Variants in GALNT13 observed in about 807,000 individuals in gnomAD.
The protein encoded by GALNT13 is polypeptide N-acetylgalactosaminyltransferase 13.
A neutral mutation model predicts 64.2 loss-of-function variants in GALNT13; 28 were observed. The observed-to-expected ratio is 0.44, with a 90% CI of 0.32 to 0.60. GALNT13 has a LOEUF of 0.60. Ranked by LOEUF, GALNT13 falls within the 20% of genes least tolerant of loss-of-function variation. GALNT13 has a pLI of 0.05. For missense variants in GALNT13, 577 were observed against 669.8 expected (o/e 0.86, Z 1.53); for synonymous variants, 214 against 224.6 (o/e 0.95, Z 0.42).
intron 9 of GALNT13, among the ~76,000 whole-genome samples, chr2:154,366,887 C>T (rs942720717): frequency 6.6e-6 from 1 of 151,964 alleles, no homozygotes; most frequent in Non-Finnish European, 1.5e-5. Flanking sequence ...ACAGGGACTC[C>T]AACAAACTGT....
the GALNT13 span, among the ~76,000 whole-genome samples, chr2:153,160,158 G>A: frequency 3.3e-5 from 5 of 152,184 alleles, no homozygotes; most frequent in Non-Finnish European, 4.4e-5. Flanking sequence ...GATGAGGCTG[G>A]ATATAGAATT....
chr2:154,286,181 T>C (rs1001419024), intron 8 of GALNT13, among the ~76,000 whole-genome samples: 1 of 152,220 alleles, frequency 6.6e-6, no homozygotes, highest in African/African-American at 2.4e-5. Flanking sequence ...TAGCTTATTC[T>C]TGCCTAAATG....
At chr2:153,705,155 T>C in the GALNT13 span, among the ~76,000 whole-genome samples, 7 of 152,288 alleles carry the variant, frequency 4.6e-5, no homozygotes, top group South Asian at 1.4e-3. Context: ...ATAATGCAGA[T>C]AGTTGACAAA....
intron 3 of GALNT13, among the ~76,000 whole-genome samples, chr2:154,021,231 T>C (rs1201767900): frequency 6.6e-6 from 1 of 152,230 alleles, no homozygotes; most frequent in Non-Finnish European, 1.5e-5. Context: ...TTTCCAATTC[T>C]GTGAAGAAAG....
At chr2:153,276,256 T>C in the GALNT13 span, among the ~76,000 whole-genome samples, 2 of 152,128 alleles carry the variant, frequency 1.3e-5, no homozygotes, top group African/African-American at 4.8e-5. Flanking sequence ...TTTTGTATTA[T>C]TTAGAAAAGG....
At chr2:153,819,233 T>C in the GALNT13 span, among the ~76,000 whole-genome samples, 4 of 152,182 alleles carry the variant, frequency 2.6e-5, no homozygotes, top group African/African-American at 9.7e-5. Flanking sequence ...TAAAGCTATC[T>C]GTATCAGGCT....
chr2:153,652,182 C>T, the GALNT13 span, among the ~76,000 whole-genome samples: 6 of 152,004 alleles, frequency 3.9e-5, no homozygotes, highest in South Asian at 2.1e-4. Context: ...ATTTTTATTT[C>T]GGTAATATAT....
chr2:154,191,022 T>C (rs1425350615), intron 4 of GALNT13, among the ~76,000 whole-genome samples: 9 of 152,174 alleles, frequency 5.9e-5, no homozygotes, highest in African/African-American at 7.2e-5. Context: ...GCTTCTATCA[T>C]ATTGGACTGT....
chr2:153,913,975 A>T (rs1185604160), intron 2 of GALNT13, among the ~76,000 whole-genome samples: 2 of 152,192 alleles, frequency 1.3e-5, no homozygotes, highest in South Asian at 2.1e-4. Flanking sequence ...ATAAAAATAC[A>T]TGTTTAAATA....
chr2:154,326,217 C>A (rs1010893822), intron 9 of GALNT13, among the ~76,000 whole-genome samples: 25 of 151,924 alleles, frequency 1.6e-4, no homozygotes, highest in Admixed American at 6.6e-5. Context: ...TCTGGTGTTG[C>A]CCTTCTGGCC....
At chr2:153,808,613 G>GA in the GALNT13 span, among the ~76,000 whole-genome samples, 4 of 152,070 alleles carry the variant, frequency 2.6e-5, no homozygotes, top group African/African-American at 9.7e-5. Flanking sequence ...TAGCTTCTCA[G>GA]AAAATCTCAT....
chr2:153,818,339 A>C, the GALNT13 span, among the ~76,000 whole-genome samples: 11,241 of 152,202 alleles, frequency 0.074, 498 homozygotes, highest in African/African-American at 0.11. Context: ...CTGTATCCCC[A>C]ATAGAGGCCA....
chr2:153,667,215 G>A, the GALNT13 span, among the ~76,000 whole-genome samples: 1 of 152,104 alleles, frequency 6.6e-6, no homozygotes, highest in Non-Finnish European at 1.5e-5. Context: ...TATATTTGAG[G>A]ATATCATCCC....
chr2:154,149,189 T>A (rs1014660910), intron 4 of GALNT13, among the ~76,000 whole-genome samples: 3 of 152,196 alleles, frequency 2.0e-5, no homozygotes, highest in Admixed American at 2.0e-4. Flanking sequence ...TAGGGAATCC[T>A]TTCCCCATTG....
the GALNT13 span, among the ~76,000 whole-genome samples, chr2:153,772,930 C>T: frequency 1.4e-4 from 21 of 152,136 alleles, no homozygotes; most frequent in African/African-American, 3.6e-4. Context: ...TGAGACTGCT[C>T]GCTGGACTCC....
At chr2:153,468,589 T>A in the GALNT13 span, among the ~76,000 whole-genome samples, 1 of 152,134 alleles carries the variant, frequency 6.6e-6, no homozygotes, top group African/African-American at 2.4e-5. Flanking sequence ...AATTTGGTTC[T>A]TTATGTATTG....
intron 9 of GALNT13, among the ~76,000 whole-genome samples, chr2:154,392,457 T>C (rs1698840808): frequency 6.6e-6 from 1 of 152,158 alleles, no homozygotes; most frequent in Admixed American, 6.5e-5. Flanking sequence ...AAGTTTCAGT[T>C]CCTTTATATT....
At chr2:154,336,124 A>G (rs1695431270) in intron 9 of GALNT13, among the ~76,000 whole-genome samples, 2 of 152,120 alleles carry the variant, frequency 1.3e-5, no homozygotes, top group South Asian at 4.1e-4. Context: ...TCCACATATA[A>G]AATTTCCTAG....
chr2:153,686,462 C>T, the GALNT13 span, among the ~76,000 whole-genome samples: 1 of 149,506 alleles, frequency 6.7e-6, no homozygotes, highest in South Asian at 2.1e-4. Flanking sequence ...GTTGTCAAGG[C>T]ATGTTAGTGA....
Sources: gnomAD v4.1 joint callset for allele counts (sites outside exome capture counted in the v4.1 genomes callset) on GRCh38, gnomAD v4.1.1 for gene constraint, MANE v1.5 for transcripts, NCBI Gene and HGNC (gene_info 2026-07-23, HGNC 2026-07-21) for gene names.